Variants in LRP11 observed in about 807,000 individuals in gnomAD.
The protein encoded by LRP11 is low-density lipoprotein receptor-related protein 11.
Under a neutral mutation model 43.1 loss-of-function variants are expected in LRP11, and 25 were observed. The ratio of observed to expected loss-of-function variants is 0.58; its 90% CI spans 0.42 to 0.81. The LOEUF is 0.81. Ranked by LOEUF, LRP11 falls within the 30% of genes least tolerant of loss-of-function variation. The pLI, the probability that LRP11 is intolerant of heterozygous loss-of-function variation, is 0.00. For missense variants in LRP11, 623 were observed against 665.1 expected (o/e 0.94, Z 0.70); for synonymous variants, 316 against 299.4 (o/e 1.06, Z -0.57).
At chr6:149,844,298 T>C (rs1046739629) in intron 2 of LRP11, among the ~76,000 whole-genome samples, 5 of 151,874 alleles carry the variant, frequency 3.3e-5, no homozygotes, top group Admixed American at 2.0e-4. Flanking sequence ...TTACTGTATC[T>C]GGCCATGCTG....
At chr6:149,826,402 A>G (rs1388134447) in intron 5 of LRP11, 43 bp from the exon 6 acceptor site, 1 of 1,375,502 alleles carries the variant, frequency 7.3e-7, no homozygotes, top group Admixed American at 1.8e-5. Flanking sequence ...TGTATGCATC[A>G]GAAACTTCAG....
intron 6 of LRP11, among the ~76,000 whole-genome samples, chr6:149,823,359 AG>A (rs1003786488): frequency 1.3e-5 from 2 of 152,226 alleles, no homozygotes; most frequent in Non-Finnish European, 2.9e-5. Context: ...AAAGAAACAG[AG>A]ATGAAAAACA....
Position 149,863,558 on chromosome 6 carries a change from C to A in LRP11, c.463G>T (p.Ala155Ser), listed in dbSNP as rs1379618272. ...VELPRRPAPPAAVLGCYLFNC... is the reference protein window; with the variant it reads ...VELPRRPAPPSAVLGCYLFNC... Reference sequence around the variant, plus strand: ...AAGAGGTAGCAGCCGAGCACGGCTGCCGGGGGCGCGGGGCGCCGGGGCAGC... The same window carrying A: ...AAGAGGTAGCAGCCGAGCACGGCTGACGGGGGCGCGGGGCGCCGGGGCAGC... The change falls in exon 1 of 7, where the codon GCA (alanine) becomes TCA (serine). Residue 155 changes from alanine to serine, a missense_variant. Transcript: ENST00000239367. The A allele has an allele frequency of 3.6e-6, 5 of 1,376,876 alleles. No homozygotes were observed. Among genetic ancestry groups the A allele is most frequent in the Admixed American group, 3.5e-5 (1 of 28,898 alleles). The allele number at this position is 1,376,876 out of a possible 1,614,324, so 85.3% of individuals were successfully genotyped here.
At chr6:149,852,387 T>C (rs2115409659) in intron 2 of LRP11, 1 of 152,210 alleles carries the variant, frequency 6.6e-6, no homozygotes, top group East Asian at 1.9e-4. Context: ...AGAGGGTGAA[T>C]AAAAAGCCAC....
At chr6:149,839,406 TG>T (rs1562440405) in intron 3 of LRP11, among the ~76,000 whole-genome samples, 1 of 152,234 alleles carries the variant, frequency 6.6e-6, no homozygotes, top group Admixed American at 6.5e-5. Flanking sequence ...CTCCGGCCAC[TG>T]GGAAGAAGCA....
intron 1 of LRP11, among the ~76,000 whole-genome samples, chr6:149,861,475 G>C (rs770604523): frequency 1.8e-4 from 27 of 152,148 alleles, no homozygotes; most frequent in Non-Finnish European, 3.2e-4. Context: ...AAGCAAGCAA[G>C]AGGAAAAACA....
At chr6:149,851,412 G>A (rs1182432032) in intron 2 of LRP11, among the ~76,000 whole-genome samples, 4 of 152,196 alleles carry the variant, frequency 2.6e-5, no homozygotes, top group Non-Finnish European at 4.4e-5. Flanking sequence ...GGATAGTGGC[G>A]GGCCTGAAAA....
intron 2 of LRP11, among the ~76,000 whole-genome samples, chr6:149,845,796 G>A (rs1231732423): frequency 6.7e-6 from 1 of 148,402 alleles, no homozygotes; most frequent in African/African-American, 2.5e-5. Context: ...GTCTTATCTG[G>A]TCAGATAAGA....
chr6:149,823,448 A>G (rs1355026122), intron 6 of LRP11, among the ~76,000 whole-genome samples: 1 of 152,184 alleles, frequency 6.6e-6, no homozygotes, highest in Admixed American at 6.6e-5. Context: ...GACCTTGGAA[A>G]GAGGCGACAC....
chr6:149,847,118 A>C (rs1251785866), intron 2 of LRP11, among the ~76,000 whole-genome samples: 1 of 152,160 alleles, frequency 6.6e-6, no homozygotes, highest in Non-Finnish European at 1.5e-5. Flanking sequence ...TGAGTCACTG[A>C]GCTTCTGGGT....
chr6:149,848,701 G>A (rs1356280628), intron 2 of LRP11, among the ~76,000 whole-genome samples: 1 of 151,902 alleles, frequency 6.6e-6, no homozygotes, highest in Non-Finnish European at 1.5e-5. Context: ...AGAGAAAGGG[G>A]AACAGCACAA....
intron 3 of LRP11, among the ~76,000 whole-genome samples, chr6:149,839,968 G>C (rs1160996030): frequency 2.0e-5 from 3 of 152,140 alleles, no homozygotes; most frequent in Admixed American, 2.0e-4. Context: ...AAAATGTCTT[G>C]AACAACTCAG....
chr6:149,858,314 T>C lies in LRP11; in HGVS notation c.613+5094A>G, dbSNP rs191525208. On this transcript the variant is annotated intron_variant, in intron 1 of 6. Transcript: ENST00000239367. ...TATGCGGTGTTTGGTTTTCTGTCCT[T>C]GTGATAGTTTGCTGAGAATGGTTTC... is the stretch of plus-strand genomic sequence containing the variant. 7.4e-4 allele frequency among the ~76,000 whole-genome samples: 112 copies of C among 152,316 alleles called. 1 individual carries two copies. The highest frequency in any genetic ancestry group is 2.6e-3 in the African/African-American group (107 of 41,556).
intron 1 of LRP11, among the ~76,000 whole-genome samples, chr6:149,862,577 CTT>C (rs10553273): frequency 3.9e-3 from 492 of 126,180 alleles, no homozygotes; most frequent in Middle Eastern, 0.013. Flanking sequence ...TTTTCTTTTC[CTT>C]TTTTTTTTTT....
At chr6:149,840,914 A>G (rs1704741358) in intron 3 of LRP11, among the ~76,000 whole-genome samples, 1 of 152,184 alleles carries the variant, frequency 6.6e-6, no homozygotes, top group African/African-American at 2.4e-5. Flanking sequence ...TCTCCTGTCC[A>G]GCTGCAATGA....
rs373208855 is a variant in LRP11, at chr6:149,853,033, C to G, written c.741G>C (p.Leu247=). 1 of 1,608,100 alleles carries G rather than the reference C, an allele frequency of 6.2e-7. No homozygotes were observed. The highest frequency in any genetic ancestry group is 1.7e-5 in the Admixed American group (1 of 58,894). Residue 247 remains leucine (L), a synonymous_variant, in exon 2 of 7, where the codon CTG becomes CTC. Coordinates refer to ENST00000239367, the MANE Select transcript of LRP11 (RefSeq NM_032832.6). ...DHAIVQYEWA[L]LQGDPSVDMK... ...TGTCCACTGACGGGTCCCCCTGCAG[C>G]AGTGCCCACTCATACTGGACGATGG...
intron 3 of LRP11, chr6:149,842,687 A>G: frequency 6.4e-7 from 1 of 1,550,930 alleles, no homozygotes; most frequent in African/African-American, 1.4e-5. Flanking sequence ...CTGTAAACAA[A>G]GTCCTCTCCC....
At chr6:149,858,963 T>G (rs975003439) in intron 1 of LRP11, among the ~76,000 whole-genome samples, 4 of 152,182 alleles carry the variant, frequency 2.6e-5, no homozygotes, top group African/African-American at 9.7e-5. Flanking sequence ...AAGTACCAAT[T>G]TACACCATCA....
chr6:149,856,345 G>C (rs952790483), intron 1 of LRP11, among the ~76,000 whole-genome samples: 6 of 152,156 alleles, frequency 3.9e-5, no homozygotes, highest in African/African-American at 1.4e-4. Context: ...TATAAGCTTA[G>C]TGAAATCATC....
Sources: gnomAD v4.1 joint callset for allele counts (sites outside exome capture counted in the v4.1 genomes callset) on GRCh38, gnomAD v4.1.1 for gene constraint, MANE v1.5 for transcripts, NCBI Gene and HGNC (gene_info 2026-07-23, HGNC 2026-07-21) for gene names.